ZNF804B: variants seen among roughly 807,000 people sequenced by gnomAD.
ZNF804B encodes zinc finger 804B.
A neutral mutation model predicts 101.4 loss-of-function variants in ZNF804B; 80 were observed. The observed-to-expected ratio is 0.79, with a 90% CI of 0.66 to 0.95. The LOEUF (loss-of-function observed/expected upper bound fraction) is 0.95. Ranked by LOEUF, ZNF804B falls within the 40% of genes least tolerant of loss-of-function variation. The pLI is 0.00. For missense variants in ZNF804B, 1,673 were observed against 1,561.9 expected, an observed-to-expected ratio of 1.07 and a Z score of -1.20; for synonymous variants, 622 against 558.8, an observed-to-expected ratio of 1.11 and a Z score of -1.59.
At chr7:89,061,165 A>T (rs1338892541) in intron 1 of ZNF804B, among the ~76,000 whole-genome samples, 1 of 152,056 alleles carries the variant, frequency 6.6e-6, no homozygotes, top group East Asian at 1.9e-4. Context: ...TATGTATGTT[A>T]TTATTGCCTA....
intron 1 of ZNF804B, among the ~76,000 whole-genome samples, chr7:88,837,977 T>G (rs540522258): frequency 6.6e-6 from 1 of 151,844 alleles, no homozygotes; most frequent in Non-Finnish European, 1.5e-5. Flanking sequence ...ATTAAATTAA[T>G]AAGTATTTTA....
At chr7:89,176,996 G>C (rs1365871023) in intron 1 of ZNF804B, among the ~76,000 whole-genome samples, 1 of 151,800 alleles carries the variant, frequency 6.6e-6, no homozygotes, top group Non-Finnish European at 1.5e-5. Flanking sequence ...CCTTTTTCCT[G>C]TCTGATTTTA....
intron 1 of ZNF804B, among the ~76,000 whole-genome samples, chr7:88,899,189 A>G (rs765793416): frequency 9.9e-5 from 15 of 152,168 alleles, no homozygotes; most frequent in Admixed American, 2.6e-4. Context: ...GAAATTCCGC[A>G]TTCTTTATAT....
chr7:89,254,984 G>A (rs1052163038), intron 2 of ZNF804B, among the ~76,000 whole-genome samples: 5 of 152,112 alleles, frequency 3.3e-5, no homozygotes, highest in African/African-American at 1.2e-4. Context: ...GGGACTTTTT[G>A]TTTGAAGTAT....
chr7:88,790,006 CTTGAATGTCAACT>C (rs567072997), intron 1 of ZNF804B, among the ~76,000 whole-genome samples: 70 of 152,170 alleles, frequency 4.6e-4, no homozygotes, highest in African/African-American at 1.6e-3. Context: ...CTATTACCTT[CTTGAATGTCAACT>C]CTGAAACAAG....
At chr7:89,328,125 G>A (rs939363194) in intron 3 of ZNF804B, among the ~76,000 whole-genome samples, 1 of 151,936 alleles carries the variant, frequency 6.6e-6, no homozygotes, top group African/African-American at 2.4e-5. Context: ...CACTAATGTA[G>A]CTAATTAATG....
chr7:89,224,959 G>T (rs1020928485), intron 2 of ZNF804B, among the ~76,000 whole-genome samples: 3 of 151,924 alleles, frequency 2.0e-5, no homozygotes, highest in African/African-American at 7.3e-5. Flanking sequence ...TCTGCATTCT[G>T]GCTCCTTCTG....
At chr7:88,941,859 A>G (rs1421889585) in intron 1 of ZNF804B, among the ~76,000 whole-genome samples, 1 of 151,846 alleles carries the variant, frequency 6.6e-6, no homozygotes, top group Non-Finnish European at 1.5e-5. Context: ...GCCCATTGAC[A>G]TTTCTGGGTT....
intron 1 of ZNF804B, among the ~76,000 whole-genome samples, chr7:88,931,032 T>C (rs1792876997): frequency 1.3e-5 from 2 of 152,018 alleles, no homozygotes; most frequent in South Asian, 4.1e-4. Flanking sequence ...AATTCAGTAG[T>C]TTCTGCACAC....
At chr7:88,854,546 C>CCTTCCTTCCTTCCTTT in intron 1 of ZNF804B, among the ~76,000 whole-genome samples, 1 of 119,426 alleles carries the variant, frequency 8.4e-6, no homozygotes, top group South Asian at 2.9e-4. Context: ...TTCCTTCCTT[C>CCTTCCTTCCTTCCTTT]CTTCCTTCCT....
intron 3 of ZNF804B, among the ~76,000 whole-genome samples, chr7:89,333,089 T>G (rs1442328734): frequency 1.3e-5 from 2 of 152,076 alleles, no homozygotes; most frequent in African/African-American, 4.8e-5. Flanking sequence ...GGACATATAT[T>G]GTGATGTAAA....
intron 1 of ZNF804B, among the ~76,000 whole-genome samples, chr7:89,170,269 G>A (rs1161905111): frequency 1.3e-5 from 2 of 152,134 alleles, no homozygotes; most frequent in South Asian, 4.2e-4. Flanking sequence ...TCTCATTTAG[G>A]CCACAGTGAT....
intron 1 of ZNF804B, among the ~76,000 whole-genome samples, chr7:88,850,199 C>A (rs1439491629): frequency 6.6e-6 from 1 of 152,050 alleles, no homozygotes; most frequent in African/African-American, 2.4e-5. Context: ...ATAAGGTGAG[C>A]CTTCTGCCAT....
At chr7:89,114,178 GTTAA>G (rs1562888121) in intron 1 of ZNF804B, among the ~76,000 whole-genome samples, 1 of 152,112 alleles carries the variant, frequency 6.6e-6, no homozygotes, top group Non-Finnish European at 1.5e-5. Flanking sequence ...ACTAGTAAAA[GTTAA>G]TTAAAAGTAA....
intron 1 of ZNF804B, among the ~76,000 whole-genome samples, chr7:89,094,377 A>T (rs941880867): frequency 1.3e-5 from 2 of 152,196 alleles, no homozygotes; most frequent in African/African-American, 2.4e-5. Flanking sequence ...CCATATCAGG[A>T]ACTCTTTCCA....
chr7:89,293,240 A>G (rs1266908720), intron 2 of ZNF804B, among the ~76,000 whole-genome samples: 1 of 152,104 alleles, frequency 6.6e-6, no homozygotes. Context: ...AATGTATAAT[A>G]CGTTATTAAT....
In ZNF804B at chr7:89,156,095, TTCTTTCTC is replaced by T. The variant is rs201080227; in HGVS notation, c.109-62045_109-62038del. Among the ~76,000 whole-genome samples the T allele has an allele frequency of 6.4e-3, 950 of 148,000 alleles. 20 individuals are homozygous for T. Among genetic ancestry groups the T allele is most frequent in the African/African-American group, 0.022 (884 of 39,452 alleles). ...TTCTCTCTTTCTCTCTTTCCTTTCTTTCTTTCTCTCTTTCTCTCTTTCCTTCTTTCCTT... is the reference window on the plus strand; with the variant it reads ...TTCTCTCTTTCTCTCTTTCCTTTCTTTCTTTCTCTCTTTCCTTCTTTCCTT... On this transcript the variant is annotated intron_variant, in intron 1 of 3. Transcript: ENST00000333190.
chr7:89,244,679 G>T lies in ZNF804B; in HGVS notation c.249+26384G>T, dbSNP rs536246466. 1.2e-4 allele frequency among the ~76,000 whole-genome samples: 19 copies of T among 152,228 alleles called. No homozygotes were observed. In the South Asian group the frequency reaches 3.7e-3, roughly 30 times the overall value. On this transcript the variant is annotated intron_variant, in intron 2 of 3. Coordinates refer to ENST00000333190, the MANE Select transcript of ZNF804B (RefSeq NM_181646.5). ...AGACAAAAGATAAATACTGGGGAAT[G>T]CCCAAGCTATAGAGTCTAAGAAGAT...
At chr7:89,178,891 A>G (rs1301228850) in intron 1 of ZNF804B, among the ~76,000 whole-genome samples, 1 of 152,098 alleles carries the variant, frequency 6.6e-6, no homozygotes, top group Non-Finnish European at 1.5e-5. Context: ...TTCGTCTGGG[A>G]AAGTCTTTAT....
Sources: gnomAD v4.1 joint callset for allele counts (sites outside exome capture counted in the v4.1 genomes callset) on GRCh38, gnomAD v4.1.1 for gene constraint, MANE v1.5 for transcripts, NCBI Gene and HGNC (gene_info 2026-07-23, HGNC 2026-07-21) for gene names.